The following RIMS2 variants were observed in gnomAD, a reference collection of about 807,000 sequenced individuals.
The protein encoded by RIMS2 is regulating synaptic membrane exocytosis 2.
Under a neutral mutation model 174.4 loss-of-function variants are expected in RIMS2, and 59 were observed. The ratio of observed to expected loss-of-function variants is 0.34; its 90% CI spans 0.27 to 0.42. The LOEUF (loss-of-function observed/expected upper bound fraction) is 0.42. RIMS2 is among the 10% of genes least tolerant of loss of function. The probability of loss-of-function intolerance (pLI) is 1.00; values close to 1 mark genes in which losing one functional copy is unlikely to be tolerated. For synonymous variants in RIMS2, 606 were observed against 572.5 expected (o/e 1.06, Z -0.84); for missense variants, 1,620 against 1,666.3 (o/e 0.97, Z 0.48).
intron 17 of RIMS2, among the ~76,000 whole-genome samples, chr8:104,003,885 G>A (rs2095479289): frequency 6.6e-6 from 1 of 152,160 alleles, no homozygotes. Flanking sequence ...AAAAGCAAAA[G>A]AGAGACATGT....
chr8:103,918,405 A>G, intron 8 of RIMS2, 36 bp from the exon 12 acceptor site: 2 of 1,376,778 alleles, frequency 1.5e-6, no homozygotes, highest in Non-Finnish European at 2.0e-6. Context: ...TTGTTGAAAC[A>G]GTTTCTGTCT....
chr8:103,837,754 T>C (rs1298521295), intron 3 of RIMS2, among the ~76,000 whole-genome samples: 1 of 152,086 alleles, frequency 6.6e-6, no homozygotes, highest in East Asian at 1.9e-4. Flanking sequence ...CTTAATCCAG[T>C]CTATCATTGT....
chr8:104,132,086 C>G (rs1034682528), intron 19 of RIMS2, among the ~76,000 whole-genome samples: 1 of 152,046 alleles, frequency 6.6e-6, no homozygotes, highest in Non-Finnish European at 1.5e-5. Context: ...AATGCATATG[C>G]ACATTCAAAT....
chr8:104,014,593 A>G (rs756780527), exon 19 of RIMS2: 2 of 1,610,754 alleles, frequency 1.2e-6, no homozygotes, highest in East Asian at 2.2e-5. Flanking sequence ...CACAGCTTCC[A>G]CCAAAGGGAA....
At chr8:104,144,375 T>C (rs529597973) in intron 19 of RIMS2, among the ~76,000 whole-genome samples, 34 of 152,294 alleles carry the variant, frequency 2.2e-4, no homozygotes, top group Non-Finnish European at 1.6e-4. Flanking sequence ...CTCAATCTAT[T>C]GTGTAGTAAT....
At chr8:103,608,566 A>T (rs927365920) in intron 1 of RIMS2, among the ~76,000 whole-genome samples, 3 of 145,530 alleles carry the variant, frequency 2.1e-5, no homozygotes, top group African/African-American at 7.9e-5. Flanking sequence ...AAGCCTGGGC[A>T]ATGGTGGGCG....
chr8:104,219,824 C>T (rs374554546), intron 19 of RIMS2, among the ~76,000 whole-genome samples: 1 of 152,008 alleles, frequency 6.6e-6, no homozygotes, highest in Non-Finnish European at 1.5e-5. Flanking sequence ...GAACTACATC[C>T]AAAACTACAT....
Position 103,899,301 on chromosome 8 carries a change from T to A in RIMS2, c.1625-10833T>A, listed in dbSNP as rs547844702. 2.6e-5 allele frequency among the ~76,000 whole-genome samples: 4 copies of A among 151,868 alleles called. No individual in the cohort carries two copies. The East Asian group carries it at 7.7e-4, about 29-fold the overall frequency. On this transcript the variant is annotated intron_variant, in intron 4 of 23. Coordinates refer to ENST00000504942, the Ensembl canonical transcript of RIMS2. ...AGATCCCTGAGGAATCGCCACACTG[T>A]CTTCCACAATGGTTGAACTAGTTTA...
At chr8:103,529,599 C>T (rs143028907) in intron 1 of RIMS2, among the ~76,000 whole-genome samples, 2 of 152,334 alleles carry the variant, frequency 1.3e-5, no homozygotes, top group East Asian at 3.9e-4. Context: ...TCTTGCCCTG[C>T]TTCGGCTCAT....
intron 3 of RIMS2, among the ~76,000 whole-genome samples, chr8:103,808,493 G>C (rs2098665303): frequency 6.6e-6 from 1 of 152,050 alleles, no homozygotes; most frequent in Non-Finnish European, 1.5e-5. Context: ...CTTCAGTTGA[G>C]AACTCTCTTC....
intron 2 of RIMS2, among the ~76,000 whole-genome samples, chr8:103,721,120 A>G (rs2138425952): frequency 6.6e-6 from 1 of 152,156 alleles, no homozygotes; most frequent in Non-Finnish European, 1.5e-5. Context: ...TGGTTGTTTA[A>G]AAGTATGTAA....
chr8:103,829,295 A>G (rs1255034133), intron 3 of RIMS2, among the ~76,000 whole-genome samples: 1 of 152,154 alleles, frequency 6.6e-6, no homozygotes, highest in Non-Finnish European at 1.5e-5. Flanking sequence ...TGTTGTTGGG[A>G]ACATAAATTT....
chr8:103,582,289 G>C (rs1027569365), intron 1 of RIMS2, among the ~76,000 whole-genome samples: 1 of 152,182 alleles, frequency 6.6e-6, no homozygotes, highest in African/African-American at 2.4e-5. Flanking sequence ...GCAATACTTA[G>C]GTGCTACATC....
rs570150400 is a variant in RIMS2 at position 103,980,797 on chromosome 8, T to C, written c.2927+5291T>C. Among the ~76,000 whole-genome samples, 131 of 152,254 alleles carry C rather than the reference T, an allele frequency of 8.6e-4. 1 individual carries two copies. In the South Asian group the frequency reaches 0.012, roughly 14 times the overall value. On this transcript the variant is annotated intron_variant, in intron 16 of 23. Transcript: ENST00000504942. ...ATTGCAGTGGCCTGACGGAACCCCC[T>C]TGTGGTCCAGTGGTGGTAGATCCCA...
chr8:103,620,697 A>T (rs1236258719), intron 1 of RIMS2, among the ~76,000 whole-genome samples: 1 of 144,726 alleles, frequency 6.9e-6, no homozygotes, highest in African/African-American at 2.6e-5. Context: ...ACTTTATTTC[A>T]TTGAGTTTCT....
chr8:103,548,627 C>G (rs1442455167), intron 1 of RIMS2, among the ~76,000 whole-genome samples: 1 of 152,150 alleles, frequency 6.6e-6, no homozygotes, highest in African/African-American at 2.4e-5. Context: ...GATGCCCACT[C>G]TTAACCATTG....
At chr8:104,223,290 AC>A (rs1209250088) in intron 19 of RIMS2, 1 of 710,870 alleles carries the variant, frequency 1.4e-6, no homozygotes, top group Admixed American at 6.1e-5. Context: ...ATTGGCGGGG[AC>A]CGCAGCATCA....
chr8:103,582,610 GA>G (rs1468985437), intron 1 of RIMS2, among the ~76,000 whole-genome samples: 2 of 152,166 alleles, frequency 1.3e-5, no homozygotes, highest in Non-Finnish European at 2.9e-5. Flanking sequence ...GCTGACTTAA[GA>G]AACCTTGGAC....
intron 19 of RIMS2, among the ~76,000 whole-genome samples, chr8:104,198,981 A>C (rs1169394547): frequency 6.6e-6 from 1 of 152,264 alleles, no homozygotes; most frequent in Non-Finnish European, 1.5e-5. Context: ...AATGAATTGG[A>C]CAAAGAATAG....
Sources: allele counts gnomAD v4.1 joint callset (sites outside exome capture counted in the v4.1 genomes callset), GRCh38; gene constraint gnomAD v4.1.1; transcripts MANE v1.5; gene names NCBI Gene and HGNC (gene_info 2026-07-23, HGNC 2026-07-21).